GBE1: variants seen among roughly 807,000 people sequenced by gnomAD.
GBE1 encodes 1,4-alpha-glucan branching enzyme 1.
A neutral mutation model predicts 88.8 loss-of-function variants in GBE1; 70 were observed. The ratio of observed to expected loss-of-function variants is 0.79; its 90% CI spans 0.65 to 0.96. The LOEUF (loss-of-function observed/expected upper bound fraction) is 0.96. Ranked by LOEUF, GBE1 falls within the 40% of genes least tolerant of loss-of-function variation. The pLI is 0.00. For missense variants in GBE1, 872 were observed against 871.0 expected, an observed-to-expected ratio of 1.00 and a Z score of -0.01; for synonymous variants, 284 against 300.1, an observed-to-expected ratio of 0.95 and a Z score of 0.56.
chr3:81,617,741 G>T (rs1172910083), intron 7 of GBE1, among the ~76,000 whole-genome samples: 1 of 151,734 alleles, frequency 6.6e-6, no homozygotes, highest in Non-Finnish European at 1.5e-5. Flanking sequence ...AAAATGAATT[G>T]GGTAGTGTTC....
chr3:81,606,860 T>C (rs189342974), intron 7 of GBE1, among the ~76,000 whole-genome samples: 100 of 152,338 alleles, frequency 6.6e-4, no homozygotes, highest in African/African-American at 2.4e-3. Flanking sequence ...TGTGCTATTA[T>C]GTAGCATTTT....
chr3:81,691,451 T>A (rs1220605446), intron 2 of GBE1, among the ~76,000 whole-genome samples: 1 of 151,756 alleles, frequency 6.6e-6, no homozygotes, highest in East Asian at 1.9e-4. Context: ...CATGACCTAA[T>A]CATAAAAAAA....
intron 15 of GBE1, among the ~76,000 whole-genome samples, chr3:81,492,065 C>T (rs1702443296): frequency 6.6e-6 from 1 of 152,190 alleles, no homozygotes; most frequent in Non-Finnish European, 1.5e-5. Context: ...TGAAAGTCAT[C>T]TGCAAAAGAT....
chr3:81,626,569 G>T (rs1268004371), intron 7 of GBE1, among the ~76,000 whole-genome samples: 1 of 151,960 alleles, frequency 6.6e-6, no homozygotes, highest in Non-Finnish European at 1.5e-5. Flanking sequence ...AAATAAACAG[G>T]AGATGGATAC....
intron 1 of GBE1, among the ~76,000 whole-genome samples, chr3:81,729,522 T>A (rs1328632458): frequency 6.6e-6 from 1 of 152,208 alleles, no homozygotes; most frequent in Non-Finnish European, 1.5e-5. Context: ...AGCTAGTAAG[T>A]GCAAGTTCTG....
chr3:81,664,413 G>T (rs1356280581), intron 3 of GBE1, among the ~76,000 whole-genome samples: 2 of 146,390 alleles, frequency 1.4e-5, no homozygotes, highest in Non-Finnish European at 3.0e-5. Context: ...AAAATTAAAT[G>T]GCAAAAATAG....
intron 1 of GBE1, among the ~76,000 whole-genome samples, chr3:81,709,091 A>G (rs1298487178): frequency 6.6e-6 from 1 of 152,220 alleles, no homozygotes; most frequent in African/African-American, 2.4e-5. Flanking sequence ...CACAGCCTCT[A>G]TTTAATAGTT....
chr3:81,631,829 G>T (rs1704517084), intron 7 of GBE1, among the ~76,000 whole-genome samples: 1 of 151,644 alleles, frequency 6.6e-6, no homozygotes, highest in South Asian at 2.1e-4. Flanking sequence ...TATACTTTAA[G>T]TTCTGGGATA....
At chr3:81,744,400 G>A (rs1018879709) in intron 1 of GBE1, among the ~76,000 whole-genome samples, 2 of 152,040 alleles carry the variant, frequency 1.3e-5, no homozygotes, top group Non-Finnish European at 2.9e-5. Flanking sequence ...TAAATTACCT[G>A]TGTGATTTAT....
intron 7 of GBE1, among the ~76,000 whole-genome samples, chr3:81,637,115 T>A (rs1576180126): frequency 1.3e-5 from 2 of 152,084 alleles, no homozygotes; most frequent in East Asian, 3.8e-4. Flanking sequence ...CAATAACTAA[T>A]AAAATAGAAC....
chr3:81,508,478 T>A (rs1481429979), intron 14 of GBE1, among the ~76,000 whole-genome samples: 2 of 152,110 alleles, frequency 1.3e-5, no homozygotes, highest in Non-Finnish European at 2.9e-5. Flanking sequence ...AACAGATTTT[T>A]ATTCACCTTT....
chr3:81,540,395 A>G lies in GBE1; in HGVS notation c.1619-3300T>C, dbSNP rs115975410. Among the ~76,000 whole-genome samples the G allele has an allele frequency of 3.5e-3, 525 of 152,160 alleles. 3 individuals are homozygous for G. Among genetic ancestry groups the G allele is most frequent in the Middle Eastern group, 0.02 (6 of 294 alleles). ...TAGACAACATGATGCCCATGGATAC[A>G]GATTTCCAAGTTAGCAAGACTTGGG... On this transcript the variant is annotated intron_variant, in intron 12 of 15. Transcript: ENST00000429644.
intron 2 of GBE1, among the ~76,000 whole-genome samples, chr3:81,681,459 T>A (rs867070824): frequency 1.2e-4 from 19 of 152,300 alleles, no homozygotes; most frequent in Non-Finnish European, 2.1e-4. Context: ...TCTTAAGATA[T>A]CCCACCTGAC....
intron 7 of GBE1, among the ~76,000 whole-genome samples, chr3:81,624,800 AC>A: frequency 6.6e-6 from 1 of 152,262 alleles, no homozygotes; most frequent in Admixed American, 6.5e-5. Flanking sequence ...ATGTTAATGT[AC>A]CCTGCAGAAA....
chr3:81,750,593 A>G (rs1402539095), intron 1 of GBE1, among the ~76,000 whole-genome samples: 11 of 60,448 alleles, frequency 1.8e-4, no homozygotes, highest in Admixed American at 5.6e-4. Context: ...ATATACGTAT[A>G]TATATATGTG....
chr3:81,505,127 T>C (rs866513824), intron 14 of GBE1, among the ~76,000 whole-genome samples: 1 of 152,224 alleles, frequency 6.6e-6, no homozygotes, highest in Admixed American at 6.5e-5. Flanking sequence ...ACATTCCAAC[T>C]GAAGACAGGC....
intron 2 of GBE1, among the ~76,000 whole-genome samples, chr3:81,702,792 A>AT (rs1428620479): frequency 6.6e-6 from 1 of 152,092 alleles, no homozygotes; most frequent in African/African-American, 2.4e-5. Context: ...TTTACAAAAC[A>AT]TTTTTTTAAT....
At chr3:81,761,322 T>C (rs890628155) in intron 1 of GBE1, 53 bp downstream of exon 1, 104 of 1,562,476 alleles carry the variant, frequency 6.7e-5, no homozygotes, top group Admixed American at 2.1e-4. Flanking sequence ...CCGAGACGGC[T>C]CCTGGGAGGC....
chr3:81,704,402 C>G (rs1000508104), intron 2 of GBE1, among the ~76,000 whole-genome samples: 1 of 152,030 alleles, frequency 6.6e-6, no homozygotes, highest in East Asian at 1.9e-4. Context: ...TTGATAAATT[C>G]ATACAATCAG....
Sources: allele counts gnomAD v4.1 joint callset (sites outside exome capture counted in the v4.1 genomes callset), GRCh38; gene constraint gnomAD v4.1.1; transcripts MANE v1.5; gene names NCBI Gene and HGNC (gene_info 2026-07-23, HGNC 2026-07-21).